LMF1: variants seen among roughly 807,000 people sequenced by gnomAD.
LMF1 encodes lipase maturation factor 1.
Under a neutral mutation model 60.6 loss-of-function variants are expected in LMF1, and 68 were observed. The observed-to-expected ratio is 1.12, with a 90% CI of 0.92 to 1.37. The LOEUF is 1.37. Among genes scored for constraint, LMF1 ranks in the 40% most tolerant of loss-of-function variants. The pLI, the probability that LMF1 is intolerant of heterozygous loss-of-function variation, is 0.00. For missense variants in LMF1, 948 were observed against 767.2 expected (o/e 1.24, Z -2.78); for synonymous variants, 418 against 324.7 (o/e 1.29, Z -3.09).
intron 3 of LMF1, among the ~76,000 whole-genome samples, chr16:914,732 TC>T: frequency 6.2e-5 from 2 of 32,150 alleles, no homozygotes; most frequent in Non-Finnish European, 5.5e-5. Flanking sequence ...ACACTCTCCC[TC>T]CCTCCCCATG....
intron 9 of LMF1, 84 bp downstream of exon 9, chr16:869,799 G>T (rs1294893153): frequency 4.0e-5 from 56 of 1,394,462 alleles, no homozygotes; most frequent in Non-Finnish European, 5.1e-5. Context: ...CCCCTTCAGT[G>T]GGCGTTCTAG....
intron 3 of LMF1, chr16:931,707 C>T (rs1170741786): frequency 7.8e-7 from 1 of 1,287,240 alleles, no homozygotes. Context: ...AGACGCATGG[C>T]TGCTCGGAAG....
At chr16:926,325 A>G (rs2071601156) in intron 3 of LMF1, among the ~76,000 whole-genome samples, 1 of 152,030 alleles carries the variant, frequency 6.6e-6, no homozygotes, top group Non-Finnish European at 1.5e-5. Context: ...GCGTGTTTGC[A>G]TAAGATCTGC....
chr16:862,177 A>ATTTT (rs60103923), intron 10 of LMF1, among the ~76,000 whole-genome samples: 3 of 142,862 alleles, frequency 2.1e-5, no homozygotes, highest in African/African-American at 5.1e-5. Context: ...CTATTTAGTA[A>ATTTT]TTTTTTTTTT....
At chr16:870,370 G>T (rs769860729) in intron 8 of LMF1, among the ~76,000 whole-genome samples, 4 of 152,226 alleles carry the variant, frequency 2.6e-5, no homozygotes, top group Non-Finnish European at 4.4e-5. Context: ...AGGCCAAGGG[G>T]CTGGCCCCAG....
At chr16:907,682 G>A (rs1173981208) in intron 4 of LMF1, among the ~76,000 whole-genome samples, 1 of 152,184 alleles carries the variant, frequency 6.6e-6, no homozygotes, top group East Asian at 1.9e-4. Context: ...GCGCGAGCGG[G>A]GGAAGGGGTG....
intron 10 of LMF1, among the ~76,000 whole-genome samples, chr16:865,754 C>T (rs2069593630): frequency 6.6e-6 from 1 of 152,196 alleles, no homozygotes; most frequent in African/African-American, 2.4e-5. Flanking sequence ...ACTCTGTCTT[C>T]CTCCTAGGAC....
intron 2 of LMF1, among the ~76,000 whole-genome samples, chr16:938,636 C>A (rs879797684): frequency 1.3e-5 from 2 of 152,198 alleles, no homozygotes; most frequent in Admixed American, 1.3e-4. Context: ...AGAGGAAGTC[C>A]AGGTCCCAGG....
At chr16:869,518 G>T (rs1567151786) in intron 9 of LMF1, 1 of 561,008 alleles carries the variant, frequency 1.8e-6, no homozygotes, top group Admixed American at 2.2e-5. Context: ...TGCAGCGGTT[G>T]GGCTCAATCG....
intron 10 of LMF1, among the ~76,000 whole-genome samples, chr16:865,258 C>G (rs1261254151): frequency 6.6e-6 from 1 of 152,234 alleles, no homozygotes; most frequent in Non-Finnish European, 1.5e-5. Context: ...TCTACATAAA[C>G]TTTGAACTAC....
rs199831082 is a variant in LMF1, at chr16:970,886, G to A, written c.95C>T (p.Ala32Val). Residue 32 changes from alanine to valine, a missense_variant, in exon 1 of 11, where the codon GCG becomes GTG. By Grantham distance (64) the Ala-to-Val change is moderately conservative (BLOSUM62 0). Coordinates refer to ENST00000262301, the MANE Select transcript of LMF1 (RefSeq NM_022773.4). The part of the protein sequence containing the change: ...YSDPEPESPP[A>V]PGRGPAGSPA... ...AGAGCCTGCGGGGCCACGCCCCGGC[G>A]CGGGCGGCGACTCAGGCTCCGGATC... 466 of 1,573,576 alleles carry A rather than the reference G, an allele frequency of 3.0e-4. No homozygotes were observed. The African/African-American group carries it at 5.9e-3, about 20-fold the overall frequency.
chr16:896,588 G>A (rs527376622), intron 4 of LMF1, among the ~76,000 whole-genome samples: 134 of 152,262 alleles, frequency 8.8e-4, no homozygotes, highest in African/African-American at 3.1e-3. Flanking sequence ...CCAGCTGACC[G>A]GGCGGAGAAG....
Position 931,782 on chromosome 16 carries a change from C to T in LMF1, c.514+2462G>A, listed in dbSNP as rs903721214. 1.0e-4 allele frequency: 130 copies of T among 1,286,688 alleles called. No homozygotes were observed. The Admixed American group carries it at 2.7e-3, about 27-fold the overall frequency. 79.7% of individuals were successfully genotyped at this position (1,286,688 alleles called of 1,614,324 possible). A position where few individuals can be genotyped will look rare whatever the true frequency, so the allele number is the denominator to read the frequency against. ...ATTTCTGCGCGACAGTCCAAAGTGA[C>T]GTGCTGAGCCGCTGCAGGGTCAGAC... On this transcript the variant is annotated intron_variant, in intron 3 of 10. Transcript: ENST00000262301.
Position 962,787 on chromosome 16 carries a change from T to C in LMF1, c.193+8001A>G, listed in dbSNP as rs1169770815. Among the ~76,000 whole-genome samples the C allele has an allele frequency of 1.3e-5, 2 of 152,134 alleles. No homozygotes were observed. The highest frequency in any genetic ancestry group is 2.9e-5 in the Non-Finnish European group (2 of 68,028). On this transcript the variant is annotated intron_variant, in intron 1 of 10. Transcript: ENST00000262301. This position sits in a 1 kb window ranked among gnomAD's most constrained non-coding sequence, Gnocchi z 4.5. ...GGAACAGGCACGGGTGGAAAAGCCA[T>C]AGAGTCTGCAGTTTCAGTTAATAGT...
chr16:880,267 G>C (rs999385794), intron 5 of LMF1, among the ~76,000 whole-genome samples: 4 of 152,214 alleles, frequency 2.6e-5, no homozygotes, highest in Admixed American at 2.0e-4. Context: ...AGACCTGGCT[G>C]TGGGGACCTG....
chr16:940,458 C>T (rs1158200057), intron 2 of LMF1, among the ~76,000 whole-genome samples: 2 of 152,030 alleles, frequency 1.3e-5, no homozygotes, highest in African/African-American at 4.8e-5. Flanking sequence ...TCCCCGCAGG[C>T]AGCGTCCTGC....
intron 5 of LMF1, among the ~76,000 whole-genome samples, chr16:890,988 T>G (rs1489199825): frequency 2.0e-5 from 3 of 152,192 alleles, no homozygotes; most frequent in African/African-American, 7.2e-5. Flanking sequence ...TGAACTGGTG[T>G]TGACGGCTGA....
chr16:893,184 G>A, intron 4 of LMF1, 112 bp from the exon 5 acceptor site: 1 of 891,858 alleles, frequency 1.1e-6, no homozygotes. Context: ...GTGGATCTGG[G>A]CTGCAGGCGC....
intron 3 of LMF1, among the ~76,000 whole-genome samples, chr16:925,589 A>T (rs1415412712): frequency 1.3e-5 from 2 of 152,226 alleles, no homozygotes; most frequent in East Asian, 3.9e-4. Flanking sequence ...AAAAAAATTA[A>T]TCGGGTGTGG....
Sources: allele counts gnomAD v4.1 joint callset (sites outside exome capture counted in the v4.1 genomes callset), GRCh38; gene constraint gnomAD v4.1.1; non-coding constraint Gnocchi (gnomAD v3.1); transcripts MANE v1.5; gene names NCBI Gene and HGNC (gene_info 2026-07-23, HGNC 2026-07-21).